Variants in FSTL5 observed in about 807,000 individuals in gnomAD.
FSTL5 encodes follistatin-related protein 5.
FSTL5 carries 62 observed loss-of-function variants against 89.1 expected under a neutral mutation model. The observed-to-expected ratio is 0.70, with a 90% confidence interval of 0.57 to 0.86. The LOEUF is 0.86. Ranked by LOEUF, FSTL5 falls within the 40% of genes least tolerant of loss-of-function variation. The pLI is 0.00. For synonymous variants in FSTL5, 383 were observed against 346.2 expected (o/e 1.11, Z -1.18); for missense variants, 1,057 against 1,001.6 (o/e 1.06, Z -0.75).
Position 161,398,167 on chromosome 4 carries a change from A to C in FSTL5, c.1842-11718T>G, listed in dbSNP as rs547295195. On this transcript the variant is annotated intron_variant, in intron 15 of 15. Transcript: ENST00000306100. ...TAATGTCCCTCAGTATTTACCCTTA[A>C]TAAATGCTCATAAATGACCACAAAG... is the stretch of plus-strand genomic sequence containing the variant. Among the ~76,000 whole-genome samples the C allele has an allele frequency of 2.0e-5, 3 of 152,194 alleles. No homozygotes were observed. In the East Asian group the frequency reaches 5.8e-4, roughly 29 times the overall value.
At chr4:161,598,490 A>C (rs911978696) in intron 7 of FSTL5, among the ~76,000 whole-genome samples, 1 of 152,152 alleles carries the variant, frequency 6.6e-6, no homozygotes, top group Admixed American at 6.6e-5. Context: ...CAATCCTGAA[A>C]TAGAAAGAGA....
At chr4:161,713,244 A>G (rs181015466) in intron 6 of FSTL5, among the ~76,000 whole-genome samples, 8 of 152,342 alleles carry the variant, frequency 5.3e-5, no homozygotes, top group Admixed American at 4.6e-4. Flanking sequence ...ACAAAATACT[A>G]AAACATATTT....
chr4:161,593,519 A>T (rs1263845028), intron 7 of FSTL5, among the ~76,000 whole-genome samples: 3 of 151,584 alleles, frequency 2.0e-5, no homozygotes, highest in African/African-American at 7.3e-5. Context: ...AGAGAAAGAG[A>T]TAAATGGGGG....
chr4:162,072,357 C>G (rs1004335261), intron 2 of FSTL5, among the ~76,000 whole-genome samples: 1 of 151,664 alleles, frequency 6.6e-6, no homozygotes, highest in Non-Finnish European at 1.5e-5. Flanking sequence ...TTTTGTTATT[C>G]TTCCAGACTA....
chr4:161,935,842 A>C (rs1367779669), intron 3 of FSTL5, among the ~76,000 whole-genome samples: 2 of 152,190 alleles, frequency 1.3e-5, no homozygotes, highest in African/African-American at 4.8e-5. Context: ...AAATGCACAG[A>C]ATGAGAAAGC....
chr4:161,523,563 C>T (rs1731105200), intron 10 of FSTL5, among the ~76,000 whole-genome samples: 1 of 152,176 alleles, frequency 6.6e-6, no homozygotes, highest in Admixed American at 6.5e-5. Flanking sequence ...TGGAAGTTCA[C>T]ATAGGCTGGT....
intron 15 of FSTL5, among the ~76,000 whole-genome samples, chr4:161,448,804 A>G (rs1227235154): frequency 6.6e-6 from 1 of 152,048 alleles, no homozygotes; most frequent in Non-Finnish European, 1.5e-5. Context: ...CACTTATTTC[A>G]CTGTTGAGGA....
intron 6 of FSTL5, among the ~76,000 whole-genome samples, chr4:161,718,194 G>T (rs1052688676): frequency 6.6e-6 from 1 of 152,096 alleles, no homozygotes; most frequent in Non-Finnish European, 1.5e-5. Context: ...ACTGAAAAGA[G>T]AAATTGGAAA....
chr4:161,734,029 T>C lies in FSTL5; in HGVS notation c.727+25382A>G, dbSNP rs186890296. Among the ~76,000 whole-genome samples, 618 of 152,222 alleles carry C rather than the reference T, an allele frequency of 4.1e-3. 5 individuals carry two copies. The highest frequency in any genetic ancestry group is 0.014 in the African/African-American group (587 of 41,574). Reference sequence around the variant, plus strand: ...CATTAAAATACATGAATAATATTTTTGAATTACGTATTTAATCTGTTTACT... The same window carrying C: ...CATTAAAATACATGAATAATATTTTCGAATTACGTATTTAATCTGTTTACT... On this transcript the variant is annotated intron_variant, in intron 6 of 15. Coordinates refer to ENST00000306100, the MANE Select transcript of FSTL5 (RefSeq NM_020116.5).
intron 15 of FSTL5, among the ~76,000 whole-genome samples, chr4:161,422,562 A>G (rs1018686293): frequency 6.6e-6 from 1 of 152,206 alleles, no homozygotes; most frequent in Non-Finnish European, 1.5e-5. Flanking sequence ...AACTAAAAGC[A>G]TGGAAGTGCT....
intron 7 of FSTL5, among the ~76,000 whole-genome samples, chr4:161,638,239 G>A (rs1735802877): frequency 6.6e-6 from 1 of 151,694 alleles, no homozygotes; most frequent in South Asian, 2.1e-4. Flanking sequence ...GTGAACGGGA[G>A]TTCACTCATG....
intron 4 of FSTL5, among the ~76,000 whole-genome samples, chr4:161,807,510 T>A (rs1419109794): frequency 3.9e-5 from 6 of 152,152 alleles, no homozygotes. Flanking sequence ...ATACTGTGCA[T>A]GAAGAGTTTA....
intron 15 of FSTL5, among the ~76,000 whole-genome samples, chr4:161,441,180 T>A (rs1209053530): frequency 3.3e-5 from 5 of 152,116 alleles, no homozygotes. Context: ...TCAGTGCTCA[T>A]GATTGACAAA....
At chr4:162,001,158 C>T (rs558284993) in intron 3 of FSTL5, among the ~76,000 whole-genome samples, 1 of 152,272 alleles carries the variant, frequency 6.6e-6, no homozygotes, top group South Asian at 2.1e-4. Flanking sequence ...TTCATAATCA[C>T]AAATAAGAAT....
chr4:162,083,246 C>T (rs1314173888), intron 2 of FSTL5, among the ~76,000 whole-genome samples: 1 of 151,686 alleles, frequency 6.6e-6, no homozygotes, highest in African/African-American at 2.4e-5. Context: ...CAAGTACTAA[C>T]ATTTTGTGAT....
At chr4:161,605,336 T>G (rs2126629525) in intron 7 of FSTL5, among the ~76,000 whole-genome samples, 1 of 152,322 alleles carries the variant, frequency 6.6e-6, no homozygotes, top group Middle Eastern at 3.4e-3. Flanking sequence ...TTGATACATT[T>G]ATTTATTTAT....
chr4:161,413,437 G>A (rs1560882741), intron 15 of FSTL5, among the ~76,000 whole-genome samples: 1 of 152,046 alleles, frequency 6.6e-6, no homozygotes, highest in Admixed American at 6.6e-5. Context: ...ATGCTGGCAA[G>A]GTTGTGGAGA....
chr4:161,814,975 A>G (rs1730279852), intron 4 of FSTL5, among the ~76,000 whole-genome samples: 1 of 152,176 alleles, frequency 6.6e-6, no homozygotes, highest in African/African-American at 2.4e-5. Context: ...TACAATTCTG[A>G]TTGAATTTTA....
At chr4:161,733,144 C>T (rs1739674681) in intron 6 of FSTL5, among the ~76,000 whole-genome samples, 1 of 151,764 alleles carries the variant, frequency 6.6e-6, no homozygotes, top group Admixed American at 6.6e-5. Context: ...TTTGTTTCTT[C>T]TTTAATTTCT....
Sources: gnomAD v4.1 joint callset for allele counts (sites outside exome capture counted in the v4.1 genomes callset) on GRCh38, gnomAD v4.1.1 for gene constraint, MANE v1.5 for transcripts, NCBI Gene and HGNC (gene_info 2026-07-23, HGNC 2026-07-21) for gene names.